Variants in DIP2C observed in about 807,000 individuals in gnomAD.
DIP2C encodes disco-interacting protein 2 homolog C.
In DIP2C, 33 loss-of-function variants were observed where a neutral mutation model predicts 192.4. The observed-to-expected ratio is 0.17, with a 90% confidence interval of 0.13 to 0.23. The LOEUF (loss-of-function observed/expected upper bound fraction) is 0.23. Ranked by LOEUF, DIP2C falls within the 10% of genes least tolerant of loss-of-function variation. DIP2C has a pLI of 1.00. For missense variants in DIP2C, 1,537 were observed against 2,110.1 expected (o/e 0.73, Z 5.32); for synonymous variants, 979 against 864.1 (o/e 1.13, Z -2.33).
intron 17 of DIP2C, among the ~76,000 whole-genome samples, chr10:380,221 G>GT (rs1325733900): frequency 2.0e-5 from 3 of 150,576 alleles, no homozygotes; most frequent in Non-Finnish European, 2.9e-5. Context: ...CTGGATGATG[G>GT]TTAAGACGAA....
chr10:504,511 A>G (rs535643066), intron 1 of DIP2C, among the ~76,000 whole-genome samples: 3 of 152,276 alleles, frequency 2.0e-5, no homozygotes, highest in African/African-American at 7.2e-5. Flanking sequence ...TGGGACTCAG[A>G]AGCTGCAAGA....
In DIP2C at chr10:400,563, G is replaced by A. The variant is rs1418896100; in HGVS notation, c.1150-1344C>T. ...TGAATCCTGTGATTTTACACGTGTGGTAGCATTAGCATTACTCTTCCTTAT... is the reference window on the plus strand; with the variant it reads ...TGAATCCTGTGATTTTACACGTGTGATAGCATTAGCATTACTCTTCCTTAT... On this transcript the variant is annotated intron_variant, in intron 9 of 36. Coordinates refer to ENST00000280886, the MANE Select transcript of DIP2C (RefSeq NM_014974.3). 1.3e-4 allele frequency among the ~76,000 whole-genome samples: 19 copies of A among 151,856 alleles called. No homozygotes were observed. In the East Asian group the frequency reaches 2.9e-3, roughly 23 times the overall value.
chr10:603,894 C>T (rs1359711028), intron 1 of DIP2C, among the ~76,000 whole-genome samples: 1 of 151,906 alleles, frequency 6.6e-6, no homozygotes, highest in Non-Finnish European at 1.5e-5. Flanking sequence ...GCCCCACACC[C>T]CTCCGACCAC....
At position 328,902 on chromosome 10, in the gene DIP2C, C is replaced by A. The variant is rs542634831; in HGVS notation, c.3753+531G>T. Among the ~76,000 whole-genome samples, 8 of 152,248 alleles carry A rather than the reference C, an allele frequency of 5.3e-5. No individual in the cohort carries two copies. The South Asian group carries it at 1.5e-3, about 28-fold the overall frequency. ...CATGAAGATATACGTATCAAAATGT[C>A]CTTGGTTTAAATGGAGGGAAATACT... On this transcript the variant is annotated intron_variant, in intron 30 of 36. Transcript: ENST00000280886.
intron 1 of DIP2C, among the ~76,000 whole-genome samples, chr10:658,101 GTCC>G (rs1856507721): frequency 6.6e-6 from 1 of 151,864 alleles, no homozygotes. Flanking sequence ...TGCTGGACCT[GTCC>G]CTGGACCTGC....
At chr10:297,267 C>A (rs1231687368) in intron 32 of DIP2C, among the ~76,000 whole-genome samples, 1 of 148,944 alleles carries the variant, frequency 6.7e-6, no homozygotes, top group Non-Finnish European at 1.5e-5. Flanking sequence ...CACACACACA[C>A]ACACACACCA....
In DIP2C at chr10:689,574, G is replaced by A. The variant is rs975464694; in HGVS notation, c.5C>T (p.Ala2Val). Residue 2 changes from alanine (A) to valine (V), a missense_variant, in exon 1 of 37, where the codon GCG (alanine) becomes GTG (valine). Around this residue, in one of 4 missense-constraint regions of DIP2C, gnomAD observed 473 missense variants for 539.6 expected, o/e 0.88. Transcript: ENST00000280886. The surrounding 1 kb of genome is among the most constrained non-coding windows in gnomAD (Gnocchi z 6.1). Reference protein sequence around the residue: MADRSLEGMALP... With the variant: MVDRSLEGMALP... ...CGCCATGCCCTCCAGGCTGCGGTCC[G>A]CCATGCTCCGCGGGCGCCGCGCCCC... The A allele has an allele frequency of 1.7e-6, 2 of 1,183,888 alleles. No individual in the cohort carries two copies. The highest frequency in any genetic ancestry group is 1.6e-5 in the African/African-American group (1 of 60,664). The allele number at this position is 1,183,888 out of a possible 1,614,324, so 73.3% of individuals were successfully genotyped here. A position where few individuals can be genotyped will look rare whatever the true frequency, so the allele number is the denominator to read the frequency against.
chr10:685,135 CAA>C (rs140709069), intron 1 of DIP2C, among the ~76,000 whole-genome samples: 31 of 72,940 alleles, frequency 4.3e-4, no homozygotes, highest in African/African-American at 2.0e-3. Flanking sequence ...ACTTGGTCCC[CAA>C]AAAAAAAAAA....
At chr10:495,835 A>T (rs577824177) in intron 1 of DIP2C, among the ~76,000 whole-genome samples, 1 of 152,106 alleles carries the variant, frequency 6.6e-6, no homozygotes. Flanking sequence ...TACCCCAAAG[A>T]ACATGAGTGC....
chr10:362,357 T>C lies in DIP2C; in HGVS notation c.2794+133A>G, dbSNP rs573677587. On this transcript the variant is annotated intron_variant, in intron 22 of 36. Coordinates refer to ENST00000280886, the MANE Select transcript of DIP2C (RefSeq NM_014974.3). ...AGTTGCCCCCACCCATTCTATTTTC[T>C]TGGGGTAACCACTTCTTTCCCGCAA... The C allele has an allele frequency of 7.6e-6, 8 of 1,056,444 alleles. No homozygotes were observed. The East Asian group carries it at 1.0e-4, about 14-fold the overall frequency. 65.4% of individuals were successfully genotyped at this position (1,056,444 alleles called of 1,614,324 possible).
rs368526393 is a variant in DIP2C, at chr10:580,060, A to G, written c.86-93530T>C. Among the ~76,000 whole-genome samples, 4 of 152,094 alleles carry G rather than the reference A, an allele frequency of 2.6e-5. No homozygotes were observed. In the South Asian group the frequency reaches 8.3e-4, roughly 32 times the overall value. ...ATCCAGTGTACACAGGTATACTATA[A>G]CCTGTATGTACATGCATATAGCATA... On this transcript the variant is annotated intron_variant, in intron 1 of 36. Transcript: ENST00000280886.
intron 14 of DIP2C, among the ~76,000 whole-genome samples, chr10:386,795 G>A (rs938667172): frequency 7.2e-5 from 11 of 152,188 alleles, no homozygotes; most frequent in South Asian, 2.1e-4. Flanking sequence ...AAGCTTCAGC[G>A]TAAGAAATTA....
In DIP2C at chr10:674,535, A is replaced by G. The variant is rs541857089; in HGVS notation, c.85+14959T>C. Among the ~76,000 whole-genome samples, 320 of 151,966 alleles carry G rather than the reference A, an allele frequency of 2.1e-3. 1 individual carries two copies. The highest frequency in any genetic ancestry group is 6.8e-3 in the Middle Eastern group (2 of 294). On this transcript the variant is annotated intron_variant, in intron 1 of 36. Coordinates refer to ENST00000280886, the MANE Select transcript of DIP2C (RefSeq NM_014974.3). Reference sequence around the variant, plus strand: ...CTGTAATCCCAGCACTTTGGGGGGCAGAGGCAGGTGGATCACCTGAGGTCA... The same window carrying G: ...CTGTAATCCCAGCACTTTGGGGGGCGGAGGCAGGTGGATCACCTGAGGTCA...
chr10:528,978 G>A (rs1316566064), intron 1 of DIP2C, among the ~76,000 whole-genome samples: 1 of 152,212 alleles, frequency 6.6e-6, no homozygotes, highest in Non-Finnish European at 1.5e-5. Context: ...TGGGCAAGCT[G>A]AGCTGATCAT....
chr10:317,063 A>G (rs1255828870), intron 31 of DIP2C, among the ~76,000 whole-genome samples: 1 of 152,244 alleles, frequency 6.6e-6, no homozygotes, highest in Non-Finnish European at 1.5e-5. Context: ...TCAATAAAAA[A>G]TGGAATTCCA....
At chr10:568,908 C>G (rs2131511735) in intron 1 of DIP2C, among the ~76,000 whole-genome samples, 1 of 150,132 alleles carries the variant, frequency 6.7e-6, no homozygotes, top group South Asian at 2.2e-4. Context: ...TCAAAAATGC[C>G]AAGGCACGCT....
At chr10:570,889 A>T (rs1293354341) in intron 1 of DIP2C, among the ~76,000 whole-genome samples, 1 of 152,254 alleles carries the variant, frequency 6.6e-6, no homozygotes, top group African/African-American at 2.4e-5. Flanking sequence ...TTGAAATTCC[A>T]TGTACTGCTG....
At chr10:518,922 G>T (rs1001383000) in intron 1 of DIP2C, among the ~76,000 whole-genome samples, 1 of 152,234 alleles carries the variant, frequency 6.6e-6, no homozygotes, top group Non-Finnish European at 1.5e-5. Flanking sequence ...TCTGAAGCCT[G>T]TAACTTTGCC....
intron 1 of DIP2C, among the ~76,000 whole-genome samples, chr10:621,981 A>G (rs1853879483): frequency 6.6e-6 from 1 of 151,756 alleles, no homozygotes; most frequent in Admixed American, 6.6e-5. Flanking sequence ...CTTTTTTTTA[A>G]TGCTCTACCG....
Sources: gnomAD v4.1 joint callset for allele counts (sites outside exome capture counted in the v4.1 genomes callset) on GRCh38, gnomAD v4.1.1 for gene constraint, gnomAD v4.1.1 regional missense constraint, Gnocchi (gnomAD v3.1) non-coding constraint, MANE v1.5 for transcripts, NCBI Gene and HGNC (gene_info 2026-07-23, HGNC 2026-07-21) for gene names.